The following AIPL1 variants were observed in gnomAD, a reference collection of about 807,000 sequenced individuals.
AIPL1 encodes the protein aryl-hydrocarbon-interacting protein-like 1.
Under a neutral mutation model 32.9 loss-of-function variants are expected in AIPL1, and 23 were observed. The observed-to-expected ratio is 0.70, with a 90% CI of 0.50 to 0.99. AIPL1 has a LOEUF of 0.99. AIPL1 is among the 50% of genes least tolerant of loss of function. The pLI is 0.00. For synonymous variants in AIPL1, 210 were observed against 209.4 expected (o/e 1.00, Z -0.02); for missense variants, 485 against 506.0 (o/e 0.96, Z 0.40).
rs1911696061 is a variant in AIPL1, at chr17:6,424,238, C to T, written c.*1222G>A. On this transcript the variant is annotated 3_prime_UTR_variant, in exon 6 of 6. Coordinates refer to ENST00000381129, the MANE Select transcript of AIPL1 (RefSeq NM_014336.5). ...ACAGGGGCGAGTGGAAGCGGCTTTC[C>T]CTAAGGCATGACCCCCAGGGTGCCA... 1 of 152,248 alleles carries T rather than the reference C, an allele frequency of 6.6e-6. No individual in the cohort carries two copies. The highest frequency in any genetic ancestry group is 2.4e-5 in the African/African-American group (1 of 41,440). The allele number at this position is 152,248 out of a possible 1,614,324, so 9.4% of individuals were successfully genotyped here.
At chr17:6,434,925 G>A (rs772498356) in intron 1 of AIPL1, 84 bp downstream of exon 1, 3 of 1,599,826 alleles carry the variant, frequency 1.9e-6, no homozygotes, top group Non-Finnish European at 2.6e-6. Flanking sequence ...ACAGCTGAAA[G>A]CTGTTTACAG....
Position 6,425,037 on chromosome 17 carries a change from A to G in AIPL1, c.*423T>C, listed in dbSNP as rs1003782455. ...TCTAAGTGTCCTGCGTAAAGTTACAAAAATCACCGAGATGACCCCCAAATG... is the reference window on the plus strand; with the variant it reads ...TCTAAGTGTCCTGCGTAAAGTTACAGAAATCACCGAGATGACCCCCAAATG... On this transcript the variant is annotated 3_prime_UTR_variant, in exon 6 of 6. Transcript: ENST00000381129. 1 of 161,392 alleles carries G rather than the reference A, an allele frequency of 6.2e-6. No individual in the cohort carries two copies. Among genetic ancestry groups the G allele is most frequent in the African/African-American group, 2.4e-5 (1 of 41,612 alleles). 10.0% of individuals were successfully genotyped at this position (161,392 alleles called of 1,614,324 possible).
rs749115599 is a variant in AIPL1, at chr17:6,430,645, C to T, written c.277-2139G>A. Among the ~76,000 whole-genome samples the T allele has an allele frequency of 2.7e-4, 41 of 152,116 alleles. 1 individual carries two copies. Among genetic ancestry groups the T allele is most frequent in the Non-Finnish European group, 1.6e-4 (11 of 68,014 alleles). ...AATCAACTAATCAAGAATTTATTGA[C>T]AGCCTTCTATGCACTCAGCTGTCAT... is the stretch of plus-strand genomic sequence containing the variant. On this transcript the variant is annotated intron_variant, in intron 2 of 5. Transcript: ENST00000381129.
chr17:6,425,803 G>T lies in AIPL1; in HGVS notation c.812C>A (p.Ala271Asp). ...ATTCCACACCTCTGCGTGAGCCCGG[G>T]CACGCACGTAGTAGGCCTTCACGAT... ...PGIVKAYYVR[A>D]RAHAEVWNEA... The change falls in exon 6 of 6, where the codon GCC becomes GAC. Residue 271 changes from alanine (A) to aspartate (D), a missense_variant. By Grantham distance (126) the Ala-to-Asp change is moderately radical. Coordinates refer to ENST00000381129, the MANE Select transcript of AIPL1 (RefSeq NM_014336.5). The T allele has an allele frequency of 6.2e-7, 1 of 1,605,222 alleles. No individual in the cohort carries two copies.
rs62060993 is a variant in AIPL1, at chr17:6,424,707, C to T, written c.*753G>A. Reference sequence around the variant, plus strand: ...CCTCCCAAGTAGCTGGGATTATAGGCGCCCGCCACCACGCCCAGCTAGTTT... The same window carrying T: ...CCTCCCAAGTAGCTGGGATTATAGGTGCCCGCCACCACGCCCAGCTAGTTT... On this transcript the variant is annotated 3_prime_UTR_variant, in exon 6 of 6. Transcript: ENST00000381129. 0.52 allele frequency: 79,225 copies of T among 152,092 alleles called. 21,356 individuals are homozygous for T. The highest frequency in any genetic ancestry group is 0.72 in the Middle Eastern group (213 of 294). The allele number at this position is 152,092 out of a possible 1,614,324, so 9.4% of individuals were successfully genotyped here. A position where few individuals can be genotyped will look rare whatever the true frequency, so the allele number is the denominator to read the frequency against.
At position 6,425,582 on chromosome 17, in the gene AIPL1, G is replaced by A; in HGVS notation, c.1033C>T (p.Gln345Ter). ...TCTGCAGGTGGCTCTGTGGATGACT[G>A]TGCGGGTGGCTCTGTGGGTGGCTCT... Reference protein sequence around the residue: ...PAEPPTEPPAQSSTEPPAEPP... With the variant: ...PAEPPTEPPA Residue 345 changes from glutamine (Q) to a stop codon, truncating the protein, a stop_gained, in exon 6 of 6, where the codon CAG becomes TAG. Transcript: ENST00000381129. LOFTEE classifies it low-confidence loss of function (END_TRUNC). 2 of 1,613,282 alleles carry A rather than the reference G, an allele frequency of 1.2e-6. No individual in the cohort carries two copies. The highest frequency in any genetic ancestry group is 1.7e-6 in the Non-Finnish European group (2 of 1,179,752).
At chr17:6,431,860 G>A (rs117209210) in intron 2 of AIPL1, among the ~76,000 whole-genome samples, 36 of 152,296 alleles carry the variant, frequency 2.4e-4, no homozygotes, top group Non-Finnish European at 3.4e-4. Flanking sequence ...CTCCCAAAGG[G>A]AAGTATATGG....
intron 1 of AIPL1, 190 bp downstream of exon 1, chr17:6,434,819 T>A (rs193197615): frequency 2.0e-6 from 2 of 1,013,214 alleles, no homozygotes; most frequent in Admixed American, 2.9e-5. Context: ...CATGCTAAAG[T>A]TGAATCTGCA....
rs779711035 is a variant in AIPL1, at chr17:6,426,993, G to A, written c.530C>T (p.Ala177Val). The change falls in exon 4 of 6, where the codon GCG becomes GTG. Residue 177 changes from alanine (A) to valine (V), a missense_variant. Coordinates refer to ENST00000381129, the MANE Select transcript of AIPL1 (RefSeq NM_014336.5). ...WNLSNHEKMK[A>V]VPVLHGEGNR... is the part of the protein sequence containing the mutation. ...TCCCTCTCCGTGGAGGACGGGCACC[G>A]CCTTCATCTTCTCATGATTGCTCAG... The A allele has an allele frequency of 8.1e-6, 13 of 1,614,022 alleles. No individual in the cohort carries two copies. The highest frequency in any genetic ancestry group is 9.3e-6 in the Non-Finnish European group (11 of 1,180,042).
At chr17:6,431,353 G>A (rs1021622898) in intron 2 of AIPL1, among the ~76,000 whole-genome samples, 1 of 151,720 alleles carries the variant, frequency 6.6e-6, no homozygotes, top group Non-Finnish European at 1.5e-5. Flanking sequence ...CTACTCAGGA[G>A]GCTGAAGCAG....
In AIPL1 at chr17:6,425,220, G is replaced by A; in HGVS notation, c.*240C>T. The A allele has an allele frequency of 2.3e-6, 1 of 437,386 alleles. No individual in the cohort carries two copies. The highest frequency in any genetic ancestry group is 4.0e-6 in the Non-Finnish European group (1 of 251,992). The allele number at this position is 437,386 out of a possible 1,614,324, so 27.1% of individuals were successfully genotyped here. A position where few individuals can be genotyped will look rare whatever the true frequency, so the allele number is the denominator to read the frequency against. On this transcript the variant is annotated 3_prime_UTR_variant, in exon 6 of 6. Transcript: ENST00000381129. ...AACTACCAGAAGAATTAAAAACAGG[G>A]TCAATTAAAACCATGGCACGGAAGG...
chr17:6,428,009 G>A (rs933237350), intron 3 of AIPL1, among the ~76,000 whole-genome samples: 2 of 152,036 alleles, frequency 1.3e-5, no homozygotes, highest in African/African-American at 2.4e-5. Context: ...TAATAGAGAC[G>A]GGGTTTTACC....
chr17:6,432,643 T>TC (rs1002035835), intron 2 of AIPL1, among the ~76,000 whole-genome samples: 1 of 151,968 alleles, frequency 6.6e-6, no homozygotes, highest in African/African-American at 2.4e-5. Context: ...CCTCTTTTTT[T>TC]TTTTTTAAGA....
In AIPL1 at chr17:6,432,244, G is replaced by A. The variant is rs151005701; in HGVS notation, c.276+1675C>T. Among the ~76,000 whole-genome samples the A allele has an allele frequency of 2.1e-4, 32 of 152,162 alleles. No individual in the cohort carries two copies. The East Asian group carries it at 4.3e-3, about 20-fold the overall frequency. ...CTAAAATACAAAAAATTACCCAGGC[G>A]TGGTGGCGGGCACCTGTAGTCGTGG... On this transcript the variant is annotated intron_variant, in intron 2 of 5. Transcript: ENST00000381129.
intron 5 of AIPL1, 34 bp downstream of exon 5, chr17:6,426,581 C>G: frequency 6.2e-7 from 1 of 1,607,186 alleles, no homozygotes; most frequent in South Asian, 1.1e-5. Flanking sequence ...GGGCTGGGCG[C>G]CCCCTCACTG....
At chr17:6,431,000 C>T (rs889225552) in intron 2 of AIPL1, among the ~76,000 whole-genome samples, 1 of 152,198 alleles carries the variant, frequency 6.6e-6, no homozygotes, top group African/African-American at 2.4e-5. Flanking sequence ...TGCAGCCCAG[C>T]TCTATTAGAC....
chr17:6,430,063 G>A (rs1228892366), intron 2 of AIPL1, among the ~76,000 whole-genome samples: 1 of 150,554 alleles, frequency 6.6e-6, no homozygotes, highest in Non-Finnish European at 1.5e-5. Context: ...GTGTGTGTGT[G>A]TGTGTGTGTG....
intron 2 of AIPL1, among the ~76,000 whole-genome samples, chr17:6,432,110 C>T (rs1229311911): frequency 2.0e-5 from 3 of 152,144 alleles, no homozygotes; most frequent in African/African-American, 4.8e-5. Flanking sequence ...GGAGGCCGAG[C>T]GTGGTGGCTC....
At chr17:6,431,140 G>T (rs1173759911) in intron 2 of AIPL1, among the ~76,000 whole-genome samples, 1 of 152,152 alleles carries the variant, frequency 6.6e-6, no homozygotes, top group East Asian at 1.9e-4. Flanking sequence ...GTAAAGTGAA[G>T]AAGTTAATCT....
Sources: allele counts gnomAD v4.1 joint callset (sites outside exome capture counted in the v4.1 genomes callset), GRCh38; gene constraint gnomAD v4.1.1; transcripts MANE v1.5; gene names NCBI Gene and HGNC (gene_info 2026-07-23, HGNC 2026-07-21).